PRKG2: variants seen among roughly 807,000 people sequenced by gnomAD.
PRKG2 encodes protein kinase cGMP-dependent 2, also known as cGMP-dependent protein kinase 2.
Under a neutral mutation model 97.2 loss-of-function variants are expected in PRKG2, and 33 were observed. The ratio of observed to expected loss-of-function variants is 0.34; its 90% confidence interval spans 0.26 to 0.45. The LOEUF is 0.45. Ranked by LOEUF, PRKG2 falls within the 20% of genes least tolerant of loss-of-function variation. PRKG2 has a pLI of 1.00. For synonymous variants in PRKG2, 330 were observed against 321.8 expected (o/e 1.03, Z -0.27); for missense variants, 638 against 900.0 (o/e 0.71, Z 3.73).
chr4:81,155,600 G>A (rs1355335671), intron 6 of PRKG2, among the ~76,000 whole-genome samples: 4 of 151,836 alleles, frequency 2.6e-5, no homozygotes, highest in Non-Finnish European at 5.9e-5. Context: ...TACTCCTCGA[G>A]AAGAGCAACA....
intron 15 of PRKG2, among the ~76,000 whole-genome samples, chr4:81,106,259 C>T (rs2109972187): frequency 6.6e-6 from 1 of 152,216 alleles, no homozygotes; most frequent in African/African-American, 2.4e-5. Context: ...CATAGGCTGA[C>T]AATTGTGCAG....
At chr4:81,196,787 C>A (rs1207952120) in intron 2 of PRKG2, among the ~76,000 whole-genome samples, 1 of 151,898 alleles carries the variant, frequency 6.6e-6, no homozygotes, top group Non-Finnish European at 1.5e-5. Flanking sequence ...AAGAAAGAAA[C>A]CTGTCACACA....
rs1475098519 is a variant in PRKG2 at position 81,188,382 on chromosome 4, G to A, written c.462-13423C>T. 6.8e-5 allele frequency among the ~76,000 whole-genome samples: 10 copies of A among 147,330 alleles called. 2 individuals carry two copies. Among genetic ancestry groups the A allele is most frequent in the East Asian group, 4.0e-4 (2 of 4,996 alleles). The stretch of plus-strand genomic sequence containing the variant: ...AAAAAGTCAGGAAACAACAGGTGCT[G>A]GAGAGGATGTGGAGAAATAGGAACA... On this transcript the variant is annotated intron_variant, in intron 2 of 18. Transcript: ENST00000264399.
rs1035278737 is a variant in PRKG2, at chr4:81,168,282, T to G, written c.849-1058A>C. 3.9e-5 allele frequency among the ~76,000 whole-genome samples: 6 copies of G among 152,128 alleles called. No individual in the cohort carries two copies. In the East Asian group the frequency reaches 5.8e-4, roughly 15 times the overall value. Reference sequence around the variant, plus strand: ...AAAAATATTTTCTCTGTCTCCCCTCTCTGAAGGCAAGAATCAGGTTTATCT... The same window carrying G: ...AAAAATATTTTCTCTGTCTCCCCTCGCTGAAGGCAAGAATCAGGTTTATCT... On this transcript the variant is annotated intron_variant, in intron 5 of 18. Transcript: ENST00000264399.
At chr4:81,147,692 T>C (rs1747992016) in intron 9 of PRKG2, among the ~76,000 whole-genome samples, 1 of 152,056 alleles carries the variant, frequency 6.6e-6, no homozygotes, top group Non-Finnish European at 1.5e-5. Flanking sequence ...CAGGGACGGC[T>C]CCAACACAGG....
At chr4:81,158,719 A>C (rs1578442449) in intron 6 of PRKG2, among the ~76,000 whole-genome samples, 2 of 152,192 alleles carry the variant, frequency 1.3e-5, no homozygotes, top group South Asian at 2.1e-4. Flanking sequence ...TATAGTAACC[A>C]AAACAGCATG....
intron 14 of PRKG2, 116 bp from the exon 15 acceptor site, chr4:81,110,727 GCACA>G (rs145649671): frequency 1.5e-4 from 110 of 739,772 alleles, no homozygotes; most frequent in Non-Finnish European, 1.6e-4. Context: ...TTTATACCAT[GCACA>G]CACACACACA....
chr4:81,095,648 T>G (rs934218065), intron 17 of PRKG2, among the ~76,000 whole-genome samples: 1 of 152,178 alleles, frequency 6.6e-6, no homozygotes, highest in Admixed American at 6.5e-5. Flanking sequence ...AACCACATTT[T>G]AAGTAATGCA....
At chr4:81,207,342 G>T (rs1753736191) in intron 1 of PRKG2, among the ~76,000 whole-genome samples, 1 of 152,118 alleles carries the variant, frequency 6.6e-6, no homozygotes, top group African/African-American at 2.4e-5. Flanking sequence ...GTGATGGTAG[G>T]AGGAAAAGGA....
At chr4:81,102,162 T>C (rs755243451) in intron 17 of PRKG2, among the ~76,000 whole-genome samples, 28 of 152,208 alleles carry the variant, frequency 1.8e-4, no homozygotes, top group Non-Finnish European at 3.5e-4. Flanking sequence ...ATAGACAAAT[T>C]AATCCCTACA....
intron 6 of PRKG2, among the ~76,000 whole-genome samples, chr4:81,156,339 T>C (rs1308479813): frequency 4.6e-5 from 7 of 152,174 alleles, no homozygotes; most frequent in Non-Finnish European, 8.8e-5. Flanking sequence ...AAGAAGGCCA[T>C]TATTTAATGG....
intron 6 of PRKG2, among the ~76,000 whole-genome samples, chr4:81,157,146 T>C (rs1749174870): frequency 1.3e-5 from 2 of 151,962 alleles, no homozygotes; most frequent in Admixed American, 1.3e-4. Flanking sequence ...CAGGAGCTGG[T>C]TTTTTGAAAG....
intron 1 of PRKG2, among the ~76,000 whole-genome samples, chr4:81,207,452 C>A (rs1323780937): frequency 6.6e-6 from 1 of 152,138 alleles, no homozygotes; most frequent in Non-Finnish European, 1.5e-5. Context: ...TTTACTAAGA[C>A]CAAAGTATCA....
intron 3 of PRKG2, among the ~76,000 whole-genome samples, chr4:81,174,305 T>C (rs1039320577): frequency 2.2e-4 from 33 of 152,230 alleles, no homozygotes; most frequent in African/African-American, 7.2e-4. Context: ...ATAATAATTG[T>C]TTTCTTTTCT....
intron 17 of PRKG2, among the ~76,000 whole-genome samples, chr4:81,102,383 A>G (rs1054974214): frequency 1.8e-4 from 27 of 152,190 alleles, no homozygotes; most frequent in Admixed American, 1.2e-3. Context: ...CCATAATGAG[A>G]GAAAGGAAGA....
At chr4:81,192,472 T>G (rs1168738748) in intron 2 of PRKG2, among the ~76,000 whole-genome samples, 3 of 152,146 alleles carry the variant, frequency 2.0e-5, no homozygotes, top group Admixed American at 2.0e-4. Context: ...CAGAAAATCT[T>G]AGGTTGAAAT....
At position 81,115,469 on chromosome 4, in the gene PRKG2, G is replaced by C. The variant is rs1029399582; in HGVS notation, c.1777-4858C>G. ...TTTGGCCCTTGGTTACTCTACATAA[G>C]TTTTAGAATCAGTTTGCCAAGCTTC... On this transcript the variant is annotated intron_variant, in intron 14 of 18. Transcript: ENST00000264399. Among the ~76,000 whole-genome samples, 3 of 152,248 alleles carry C rather than the reference G, an allele frequency of 2.0e-5. No homozygotes were observed. In the East Asian group the frequency reaches 5.8e-4, roughly 29 times the overall value.
At chr4:81,132,462 C>T (rs1746272476) in intron 14 of PRKG2, among the ~76,000 whole-genome samples, 1 of 152,138 alleles carries the variant, frequency 6.6e-6, no homozygotes, top group African/African-American at 2.4e-5. Flanking sequence ...GTCCTGTTCA[C>T]AACCTGATAA....
chr4:81,129,730 T>G (rs566040128), intron 14 of PRKG2, among the ~76,000 whole-genome samples: 15 of 152,344 alleles, frequency 9.8e-5, no homozygotes, highest in African/African-American at 3.6e-4. Context: ...TGTGTGTCTT[T>G]GCACATGAGA....
Sources: allele counts gnomAD v4.1 joint callset (sites outside exome capture counted in the v4.1 genomes callset), GRCh38; gene constraint gnomAD v4.1.1; transcripts MANE v1.5; gene names NCBI Gene and HGNC (gene_info 2026-07-23, HGNC 2026-07-21).